The following BICD2 variants were observed in gnomAD, a reference collection of about 807,000 sequenced individuals.
The protein encoded by BICD2 is BICD cargo adaptor 2.
In BICD2, 25 loss-of-function variants were observed where a neutral mutation model predicts 72.9. That is an observed-to-expected ratio of 0.34 (90% CI 0.25 to 0.48). The LOEUF (loss-of-function observed/expected upper bound fraction) is 0.48. BICD2 is among the 20% of genes least tolerant of loss of function. BICD2 has a pLI of 0.99. For synonymous variants in BICD2, 501 were observed against 516.1 expected (o/e 0.97, Z 0.40); for missense variants, 894 against 1,175.2 (o/e 0.76, Z 3.50).
At chr9:92,739,957 C>T (rs1376356258) in intron 1 of BICD2, among the ~76,000 whole-genome samples, 2 of 152,160 alleles carry the variant, frequency 1.3e-5, no homozygotes, top group Non-Finnish European at 2.9e-5. Flanking sequence ...TTACAGTCAC[C>T]AGGGTTCTCA....
chr9:92,713,677 G>A lies in BICD2; in HGVS notation c.*1477C>T, dbSNP rs1004336827. 2 of 1,425,132 alleles carry A rather than the reference G, an allele frequency of 1.4e-6. No individual in the cohort carries two copies. The highest frequency in any genetic ancestry group is 1.8e-6 in the Non-Finnish European group (2 of 1,085,640). The allele number at this position is 1,425,132 out of a possible 1,614,324, so 88.3% of individuals were successfully genotyped here. A position where few individuals can be genotyped will look rare whatever the true frequency, so the allele number is the denominator to read the frequency against. On this transcript the variant is annotated 3_prime_UTR_variant, in exon 7 of 7. Coordinates refer to ENST00000356884, the MANE Select transcript of BICD2 (RefSeq NM_001003800.2). ...TATGTGCCAGGCTTGCAAGGAGAGG[G>A]CAAAGCGCATGCAGGGTGGGCATGC...
At position 92,715,028 on chromosome 9, in the gene BICD2, C is replaced by G; in HGVS notation, c.*126G>C. 1 of 1,434,292 alleles carries G rather than the reference C, an allele frequency of 7.0e-7. No individual in the cohort carries two copies. The highest frequency in any genetic ancestry group is 9.1e-7 in the Non-Finnish European group (1 of 1,093,146). The allele number at this position is 1,434,292 out of a possible 1,614,324, so 88.8% of individuals were successfully genotyped here. A position where few individuals can be genotyped will look rare whatever the true frequency, so the allele number is the denominator to read the frequency against. On this transcript the variant is annotated 3_prime_UTR_variant, in exon 7 of 7. Coordinates refer to ENST00000356884, the MANE Select transcript of BICD2 (RefSeq NM_001003800.2). ...CTGCTGATGCAACGCCCCATGGCGC[C>G]TCGGCTAGACTCCTACCCTCTGTGC...
chr9:92,747,183 T>C (rs928239145), intron 1 of BICD2, among the ~76,000 whole-genome samples: 4 of 152,062 alleles, frequency 2.6e-5, no homozygotes, highest in African/African-American at 9.7e-5. Context: ...GTAGGCCAAA[T>C]CTCAGAGCCA....
intron 2 of BICD2, among the ~76,000 whole-genome samples, chr9:92,726,898 G>A (rs1853578166): frequency 6.6e-6 from 1 of 152,194 alleles, no homozygotes; most frequent in African/African-American, 2.4e-5. Context: ...AGCCCTCTTT[G>A]GCCTCTGCCA....
chr9:92,743,202 T>C (rs1853932111), intron 1 of BICD2, among the ~76,000 whole-genome samples: 1 of 152,130 alleles, frequency 6.6e-6, no homozygotes, highest in Non-Finnish European at 1.5e-5. Flanking sequence ...ATTTTCTTTC[T>C]TTTTTTGGAA....
chr9:92,713,504 T>G lies in BICD2; in HGVS notation c.*1650A>C, dbSNP rs887292445. 1.9e-6 allele frequency: 3 copies of G among 1,574,150 alleles called. No individual in the cohort carries two copies. The Admixed American group carries it at 5.4e-5, about 29-fold the overall frequency. On this transcript the variant is annotated 3_prime_UTR_variant, in exon 7 of 7. Coordinates refer to ENST00000356884, the MANE Select transcript of BICD2 (RefSeq NM_001003800.2). ...GAGAGCGTTAGAAAGCGGTCATCTG[T>G]CGCTTCCTGTTTATCTGACAATTGA...
chr9:92,757,690 G>A (rs1854289434), intron 1 of BICD2, among the ~76,000 whole-genome samples: 1 of 151,010 alleles, frequency 6.6e-6, no homozygotes, highest in East Asian at 1.9e-4. Context: ...CTGGGTGACA[G>A]AGTGAGACTC....
intron 1 of BICD2, among the ~76,000 whole-genome samples, chr9:92,743,849 A>T (rs973515436): frequency 2.0e-5 from 3 of 152,232 alleles, no homozygotes; most frequent in African/African-American, 7.2e-5. Flanking sequence ...GGTCTTGAAA[A>T]GGCTCTTTAT....
Position 92,764,694 on chromosome 9 carries a change from C to G in BICD2, c.51G>C (p.Ala17=). 1 of 1,588,400 alleles carries G rather than the reference C, an allele frequency of 6.3e-7. No homozygotes were observed. Among genetic ancestry groups the G allele is most frequent in the Non-Finnish European group, 8.5e-7 (1 of 1,172,762 alleles). Residue 17 remains alanine (A), a synonymous_variant, in exon 1 of 7, where the codon GCG becomes GCC. Coordinates refer to ENST00000356884, the MANE Select transcript of BICD2 (RefSeq NM_001003800.2). This position sits in a 1 kb window ranked among gnomAD's most constrained non-coding sequence, Gnocchi z 5.5. ...EEEYARLVME[A]QPEWLRAEVK... ...CCTCGGCGCGCAGCCACTCCGGCTG[C>G]GCCTCCATCACCAGCCGCGCGTACT...
In BICD2 at chr9:92,714,450, T is replaced by C; in HGVS notation, c.*704A>G. On this transcript the variant is annotated 3_prime_UTR_variant, in exon 7 of 7. Transcript: ENST00000356884. Reference sequence around the variant, plus strand: ...GCCAATCTGTCACCTCACAGGCCACTATACAAGCATCCTGATCTCAGAAAT... The same window carrying C: ...GCCAATCTGTCACCTCACAGGCCACCATACAAGCATCCTGATCTCAGAAAT... The C allele has an allele frequency of 1.0e-6, 1 of 985,472 alleles. No homozygotes were observed. The highest frequency in any genetic ancestry group is 4.7e-5 in the South Asian group (1 of 21,288). 61.0% of individuals were successfully genotyped at this position (985,472 alleles called of 1,614,324 possible). A position where few individuals can be genotyped will look rare whatever the true frequency, so the allele number is the denominator to read the frequency against.
At chr9:92,751,134 TTTGTTGTTGTTGTTG>T (rs199613227) in intron 1 of BICD2, among the ~76,000 whole-genome samples, 9 of 150,346 alleles carry the variant, frequency 6.0e-5, no homozygotes, top group African/African-American at 9.8e-5. Context: ...TGGTTGGTTT[TTTGTTGTTGTTGTTG>T]TTGTTGTTGT....
intron 2 of BICD2, among the ~76,000 whole-genome samples, chr9:92,728,467 G>A (rs915637245): frequency 5.3e-5 from 8 of 152,358 alleles, no homozygotes; most frequent in Admixed American, 5.2e-4. Context: ...CACCCACCCA[G>A]ACCCTCCCTG....
chr9:92,746,366 T>C (rs1854013635), intron 1 of BICD2, among the ~76,000 whole-genome samples: 1 of 151,880 alleles, frequency 6.6e-6, no homozygotes, highest in African/African-American at 2.4e-5. Context: ...ATCCTGTCTC[T>C]ACTAAACAAT....
Position 92,764,530 on chromosome 9 carries a change from C to T in BICD2, c.215G>A (p.Arg72His), listed in dbSNP as rs1854441005. 5 of 1,537,758 alleles carry T rather than the reference C, an allele frequency of 3.3e-6. No individual in the cohort carries two copies. Among genetic ancestry groups the T allele is most frequent in the African/African-American group, 1.4e-5 (1 of 71,760 alleles). Reference protein sequence around the residue: ...EELEVDYEAIRSEMEQLKEAF... With the variant: ...EELEVDYEAIHSEMEQLKEAF... Reference sequence around the variant, plus strand: ...CTCCTTGAGCTGCTCCATCTCGCTGCGGATAGCCTCATAGTCCACCTCGAG... The same window carrying T: ...CTCCTTGAGCTGCTCCATCTCGCTGTGGATAGCCTCATAGTCCACCTCGAG... The change falls in exon 1 of 7, where the codon CGC (arginine) becomes CAC (histidine). Residue 72 changes from arginine (R) to histidine (H), a missense_variant. Transcript: ENST00000356884. This position sits in a 1 kb window ranked among gnomAD's most constrained non-coding sequence, Gnocchi z 5.5.
intron 1 of BICD2, among the ~76,000 whole-genome samples, chr9:92,747,747 G>C (rs1854044501): frequency 6.6e-6 from 1 of 152,194 alleles, no homozygotes; most frequent in South Asian, 2.1e-4. Context: ...TGTCCTTGTG[G>C]GCAGATGGAC....
chr9:92,761,645 C>A (rs1469468092), intron 1 of BICD2, among the ~76,000 whole-genome samples: 2 of 152,366 alleles, frequency 1.3e-5, no homozygotes, highest in Admixed American at 6.5e-5. Flanking sequence ...GCCACCTCAG[C>A]ACACCTGTCC....
In BICD2 at chr9:92,715,446, G is replaced by C; in HGVS notation, c.2276C>G (p.Thr759Arg). The change falls in exon 7 of 7, where the codon ACA becomes AGA. Residue 759 changes from threonine (T) to arginine (R), a missense_variant. Thr to Arg is a moderately conservative substitution (Grantham distance 71). Transcript: ENST00000356884. Reference sequence around the variant, plus strand: ...CTGCCGCTGCATCTCATCCAGCTGTGTAATGTACTCGTCACACCTGTGGGT... The same window carrying C: ...CTGCCGCTGCATCTCATCCAGCTGTCTAATGTACTCGTCACACCTGTGGGT... ...MFATRCDEYI[T>R]QLDEMQRQLA... 1.9e-6 allele frequency: 3 copies of C among 1,596,432 alleles called. No individual in the cohort carries two copies. In the South Asian group the frequency reaches 3.3e-5, roughly 18 times the overall value.
At chr9:92,747,195 T>G (rs1854031661) in intron 1 of BICD2, among the ~76,000 whole-genome samples, 2 of 152,118 alleles carry the variant, frequency 1.3e-5, no homozygotes, top group African/African-American at 4.8e-5. Context: ...TCAGAGCCAG[T>G]ATGTCACCGG....
chr9:92,739,096 A>C (rs1279867619), intron 1 of BICD2, among the ~76,000 whole-genome samples: 3 of 152,110 alleles, frequency 2.0e-5, no homozygotes, highest in Middle Eastern at 3.2e-3. Flanking sequence ...AGGTGGAGAC[A>C]CTGCTGGGCT....
Sources: allele counts gnomAD v4.1 joint callset (sites outside exome capture counted in the v4.1 genomes callset), GRCh38; gene constraint gnomAD v4.1.1; non-coding constraint Gnocchi (gnomAD v3.1); transcripts MANE v1.5; gene names NCBI Gene and HGNC (gene_info 2026-07-23, HGNC 2026-07-21).